The following VWA8 variants were observed in gnomAD, a reference collection of about 807,000 sequenced individuals.
VWA8 encodes von Willebrand factor A domain-containing protein 8.
VWA8 carries 221 observed loss-of-function variants against 241.5 expected under a neutral mutation model. The ratio of observed to expected loss-of-function variants is 0.91; its 90% CI spans 0.82 to 1.02. VWA8 has a LOEUF of 1.02. Ranked by LOEUF, VWA8 falls within the 50% of genes least tolerant of loss-of-function variation. VWA8 has a pLI of 0.00. For synonymous variants in VWA8, 852 were observed against 827.1 expected (o/e 1.03, Z -0.52); for missense variants, 2,322 against 2,328.7 (o/e 1.00, Z 0.06).
rs533249035 is a variant in VWA8, at chr13:41,748,026, C to T, written c.2426+13102G>A. On this transcript the variant is annotated intron_variant, in intron 21 of 44. Coordinates refer to ENST00000379310, the MANE Select transcript of VWA8 (RefSeq NM_015058.2). ...AGTATTTTATTGAGGATTTTTGCAT[C>T]AATGTTCATCAGGGATATTGGTCTA... is the stretch of plus-strand genomic sequence containing the variant. Among the ~76,000 whole-genome samples the T allele has an allele frequency of 5.9e-5, 9 of 152,280 alleles. 1 individual carries two copies. The highest frequency in any genetic ancestry group is 4.6e-4 in the Admixed American group (7 of 15,296).
chr13:41,854,129 C>T (rs1195648147), intron 12 of VWA8, among the ~76,000 whole-genome samples: 1 of 152,118 alleles, frequency 6.6e-6, no homozygotes, highest in Non-Finnish European at 1.5e-5. Context: ...CTTAAAGAAA[C>T]AACTGTAATC....
chr13:41,742,083 C>T (rs1478194266), intron 21 of VWA8, among the ~76,000 whole-genome samples: 1 of 152,176 alleles, frequency 6.6e-6, no homozygotes, highest in African/African-American at 2.4e-5. Flanking sequence ...GATATAGTCA[C>T]ATGGAAGGAT....
At chr13:41,679,078 C>T (rs1029797860) in intron 35 of VWA8, among the ~76,000 whole-genome samples, 1 of 152,140 alleles carries the variant, frequency 6.6e-6, no homozygotes, top group Non-Finnish European at 1.5e-5. Flanking sequence ...CCATTTTAAA[C>T]GTTTTAACAC....
intron 14 of VWA8, among the ~76,000 whole-genome samples, chr13:41,830,045 A>G (rs1871367078): frequency 6.6e-6 from 1 of 152,170 alleles, no homozygotes; most frequent in East Asian, 1.9e-4. Context: ...GATCGAGACC[A>G]TCCTGGCTAA....
intron 21 of VWA8, among the ~76,000 whole-genome samples, chr13:41,750,684 C>T (rs111677485): frequency 0.019 from 2,879 of 152,180 alleles, 93 homozygotes; most frequent in African/African-American, 0.064. Context: ...CCTGAAGATG[C>T]AGGTGAATTG....
chr13:41,587,427 T>A (rs1373652516), intron 42 of VWA8, 85 bp downstream of exon 42: 2 of 1,553,444 alleles, frequency 1.3e-6, no homozygotes, highest in Non-Finnish European at 1.8e-6. Flanking sequence ...ATGAAGATTT[T>A]CATTCACTCT....
chr13:41,778,138 GAA>G, intron 19 of VWA8, 82 bp from the exon 20 acceptor site: 2 of 934,070 alleles, frequency 2.1e-6, no homozygotes, highest in South Asian at 2.1e-5. Context: ...TATCTTTATA[GAA>G]TATAAATATC....
rs1210686334 is a variant in VWA8 at position 41,689,494 on chromosome 13, T to C, written c.3991A>G (p.Ile1331Val). The C allele has an allele frequency of 6.2e-7, 1 of 1,607,348 alleles. No homozygotes were observed. ...FGVTQETEFS[I>V]PHKISSDQLS... The stretch of plus-strand genomic sequence containing the variant: ...TGATCACTGGAAATTTTATGAGGTA[T>C]GCTGAACTCTGTTTCTGAAAAGTAC... Residue 1331 changes from isoleucine to valine, a missense_variant, in exon 34 of 45, where the codon ATA becomes GTA. Physicochemically the swap from Ile to Val is conservative, Grantham distance 29. Transcript: ENST00000379310.
At chr13:41,575,316 T>C (rs34398605) in intron 43 of VWA8, among the ~76,000 whole-genome samples, 42,618 of 151,976 alleles carry the variant, frequency 0.28, 7,110 homozygotes, top group African/African-American at 0.46. Context: ...GTACAGCGTA[T>C]ACTGCTCGGG....
chr13:41,747,922 C>T (rs1462905878), intron 21 of VWA8, among the ~76,000 whole-genome samples: 2 of 152,264 alleles, frequency 1.3e-5, no homozygotes, highest in East Asian at 3.9e-4. Flanking sequence ...GTATGTTGAA[C>T]CAGCCTTGCA....
intron 41 of VWA8, among the ~76,000 whole-genome samples, chr13:41,588,810 A>G (rs2044436407): frequency 6.6e-6 from 1 of 152,198 alleles, no homozygotes; most frequent in Admixed American, 6.5e-5. Context: ...TAATGAGCAG[A>G]GTTAGTAATT....
chr13:41,642,860 C>T (rs1250143894), intron 37 of VWA8, among the ~76,000 whole-genome samples: 3 of 151,864 alleles, frequency 2.0e-5, no homozygotes, highest in Admixed American at 2.0e-4. Context: ...ACCCAGGAGG[C>T]GGAGGTTGCA....
chr13:41,586,231 C>T (rs2044417449), intron 42 of VWA8, among the ~76,000 whole-genome samples: 1 of 151,394 alleles, frequency 6.6e-6, no homozygotes, highest in South Asian at 2.1e-4. Flanking sequence ...AAAAGTCGAA[C>T]ACTGGTCTGC....
At chr13:41,869,701 G>A (rs1026034047) in intron 9 of VWA8, among the ~76,000 whole-genome samples, 5 of 139,436 alleles carry the variant, frequency 3.6e-5, no homozygotes, top group African/African-American at 8.1e-5. Flanking sequence ...AATTATCAAC[G>A]TTCTAACATT....
At chr13:41,591,127 T>C (rs766689472) in intron 40 of VWA8, among the ~76,000 whole-genome samples, 2 of 152,194 alleles carry the variant, frequency 1.3e-5, no homozygotes, top group South Asian at 2.1e-4. Context: ...TTTGTTAACA[T>C]TGTCTGTAAG....
chr13:41,711,484 A>G (rs887231946), intron 26 of VWA8, among the ~76,000 whole-genome samples: 4 of 152,230 alleles, frequency 2.6e-5, no homozygotes, highest in African/African-American at 9.6e-5. Flanking sequence ...TTACAGGTAC[A>G]CAGGTAATGC....
At position 41,570,721 on chromosome 13, in the gene VWA8, A is replaced by G; in HGVS notation, c.5371-15T>C. On this transcript the variant is annotated splice_polypyrimidine_tract_variant and intron_variant, in intron 43 of 44. Coordinates refer to ENST00000379310, the MANE Select transcript of VWA8 (RefSeq NM_015058.2). ...GCATGCATTGTCTGGAGGTAAAAGAAGTTGCACAAAAGCCATGGCTGAGAA... is the reference window on the plus strand; with the variant it reads ...GCATGCATTGTCTGGAGGTAAAAGAGGTTGCACAAAAGCCATGGCTGAGAA... 6.2e-7 allele frequency: 1 copy of G among 1,603,212 alleles called. No individual in the cohort carries two copies. The highest frequency in any genetic ancestry group is 8.5e-7 in the Non-Finnish European group (1 of 1,172,020).
chr13:41,711,708 A>G (rs1429341585), intron 26 of VWA8, among the ~76,000 whole-genome samples: 1 of 152,108 alleles, frequency 6.6e-6, no homozygotes, highest in Non-Finnish European at 1.5e-5. Flanking sequence ...CCCCGTCTCT[A>G]CTAAAAATAC....
intron 12 of VWA8, among the ~76,000 whole-genome samples, chr13:41,845,034 A>G (rs1469993607): frequency 6.6e-6 from 1 of 152,176 alleles, no homozygotes; most frequent in Non-Finnish European, 1.5e-5. Flanking sequence ...TTGCCACACA[A>G]ATAGAAAAAA....
Sources: gnomAD v4.1 joint callset for allele counts (sites outside exome capture counted in the v4.1 genomes callset) on GRCh38, gnomAD v4.1.1 for gene constraint, MANE v1.5 for transcripts, NCBI Gene and HGNC (gene_info 2026-07-23, HGNC 2026-07-21) for gene names.